Variants in NR2F1-AS1 observed in about 807,000 individuals in gnomAD.
NR2F1-AS1 encodes NR2F1 antisense RNA 1.
intron 1 of NR2F1-AS1, among the ~76,000 whole-genome samples, chr5:93,566,162 C>G (rs1310213071): frequency 1.3e-5 from 2 of 151,822 alleles, no homozygotes; most frequent in Non-Finnish European, 2.9e-5. Context: ...AATTTTCCAA[C>G]AAGAAAGTAC....
At chr5:93,493,861 T>C (rs908997094) in intron 4 of NR2F1-AS1, among the ~76,000 whole-genome samples, 2 of 152,066 alleles carry the variant, frequency 1.3e-5, no homozygotes, top group African/African-American at 4.8e-5. Context: ...AATGGATCAA[T>C]TACCTAAATA....
chr5:93,469,196 G>T (rs1750313033), intron 4 of NR2F1-AS1, among the ~76,000 whole-genome samples: 1 of 152,028 alleles, frequency 6.6e-6, no homozygotes, highest in African/African-American at 2.4e-5. Flanking sequence ...TGACCATCGT[G>T]GGGTGTACTT....
chr5:93,528,622 C>T (rs1472002452), intron 4 of NR2F1-AS1, among the ~76,000 whole-genome samples: 1 of 152,176 alleles, frequency 6.6e-6, no homozygotes, highest in East Asian at 1.9e-4. Context: ...CAGCACTATT[C>T]ACAATAGCAA....
At chr5:93,480,149 C>T (rs1750571175) in intron 4 of NR2F1-AS1, among the ~76,000 whole-genome samples, 1 of 152,034 alleles carries the variant, frequency 6.6e-6, no homozygotes, top group Admixed American at 6.6e-5. Flanking sequence ...AGATGTGATG[C>T]TACACATCCA....
At chr5:93,551,604 A>C (rs1752231238) in intron 4 of NR2F1-AS1, among the ~76,000 whole-genome samples, 1 of 152,034 alleles carries the variant, frequency 6.6e-6, no homozygotes, top group Admixed American at 6.6e-5. Context: ...CTTTAAAGTA[A>C]ATTGAACTTT....
At chr5:93,478,933 G>A (rs537743640) in intron 4 of NR2F1-AS1, among the ~76,000 whole-genome samples, 2 of 152,216 alleles carry the variant, frequency 1.3e-5, no homozygotes, top group African/African-American at 2.4e-5. Context: ...GTGGAGGAAA[G>A]TGATGTCATG....
At chr5:93,463,052 A>C (rs1412247226) in intron 4 of NR2F1-AS1, among the ~76,000 whole-genome samples, 3 of 152,204 alleles carry the variant, frequency 2.0e-5, no homozygotes, top group African/African-American at 7.2e-5. Context: ...AATTGCCAAG[A>C]TAATGGGGAA....
At chr5:93,546,795 GT>G (rs1752098483) in intron 4 of NR2F1-AS1, among the ~76,000 whole-genome samples, 1 of 152,204 alleles carries the variant, frequency 6.6e-6, no homozygotes, top group South Asian at 2.1e-4. Context: ...GTGATGGTTA[GT>G]TTTATGGATC....
At chr5:93,554,808 T>C (rs1239052133) in intron 3 of NR2F1-AS1, 1 of 152,178 alleles carries the variant, frequency 6.6e-6, no homozygotes, top group African/African-American at 2.4e-5. Flanking sequence ...AACAAACAGC[T>C]AGATTCTAAC....
At chr5:93,418,257 G>C (rs1749009240) in intron 4 of NR2F1-AS1, among the ~76,000 whole-genome samples, 1 of 152,184 alleles carries the variant, frequency 6.6e-6, no homozygotes, top group South Asian at 2.1e-4. Flanking sequence ...GAGGTTTGCA[G>C]TTTTGGACAC....
chr5:93,430,455 T>C (rs1191374018), intron 4 of NR2F1-AS1, among the ~76,000 whole-genome samples: 1 of 152,112 alleles, frequency 6.6e-6, no homozygotes, highest in Non-Finnish European at 1.5e-5. Flanking sequence ...ACTGCTTAGT[T>C]TGATTGCAAA....
chr5:93,412,843 T>C (rs944018406), intron 4 of NR2F1-AS1, among the ~76,000 whole-genome samples: 2 of 152,116 alleles, frequency 1.3e-5, no homozygotes, highest in Non-Finnish European at 2.9e-5. Context: ...CCAAACCTCC[T>C]GCTAAATTAA....
chr5:93,510,290 T>C (rs1018855010), intron 4 of NR2F1-AS1, among the ~76,000 whole-genome samples: 4 of 152,284 alleles, frequency 2.6e-5, no homozygotes, highest in East Asian at 1.9e-4. Flanking sequence ...TGCAATTCTT[T>C]TAAGTTTAGA....
chr5:93,565,211 A>AT (rs887180196), intron 1 of NR2F1-AS1, among the ~76,000 whole-genome samples: 2 of 152,178 alleles, frequency 1.3e-5, no homozygotes, highest in African/African-American at 4.8e-5. Context: ...TGTTTGTTTC[A>AT]TTTTGTTTCA....
At chr5:93,481,339 C>T (rs748508352) in intron 4 of NR2F1-AS1, among the ~76,000 whole-genome samples, 4 of 151,900 alleles carry the variant, frequency 2.6e-5, no homozygotes, top group Admixed American at 6.6e-5. Context: ...TAAATGTATA[C>T]ACATCAAACT....
At chr5:93,563,123 G>A (rs1752532654) in intron 2 of NR2F1-AS1, among the ~76,000 whole-genome samples, 1 of 152,200 alleles carries the variant, frequency 6.6e-6, no homozygotes, top group East Asian at 1.9e-4. Context: ...TAAGAACTGA[G>A]TAGAAATGGT....
intron 2 of NR2F1-AS1, among the ~76,000 whole-genome samples, chr5:93,561,483 T>G (rs1752486377): frequency 6.6e-6 from 1 of 152,092 alleles, no homozygotes; most frequent in South Asian, 2.1e-4. Context: ...TTAATATTTA[T>G]GAAAACAGGC....
chr5:93,481,184 T>C (rs933115469), intron 4 of NR2F1-AS1, among the ~76,000 whole-genome samples: 2 of 151,820 alleles, frequency 1.3e-5, no homozygotes, highest in Admixed American at 1.3e-4. Flanking sequence ...AAATATTCCA[T>C]GCAAATAATA....
chr5:93,539,426 T>TA (rs1489616822), intron 4 of NR2F1-AS1, among the ~76,000 whole-genome samples: 17 of 152,144 alleles, frequency 1.1e-4, no homozygotes, highest in African/African-American at 3.4e-4. Flanking sequence ...AATCGTCCAT[T>TA]AAAAAAATAA....
Sources: allele counts gnomAD v4.1 joint callset (sites outside exome capture counted in the v4.1 genomes callset), GRCh38; gene constraint gnomAD v4.1.1; transcripts MANE v1.5; gene names NCBI Gene and HGNC (gene_info 2026-07-23, HGNC 2026-07-21).